The following IRS1 variants were observed in gnomAD, a reference collection of about 807,000 sequenced individuals.
The protein encoded by IRS1 is insulin receptor substrate 1.
Under a neutral mutation model 65.6 loss-of-function variants are expected in IRS1, and 34 were observed. The ratio of observed to expected loss-of-function variants is 0.52; its 90% confidence interval spans 0.39 to 0.69. The LOEUF is 0.69. Among genes scored for constraint, IRS1 ranks in the 30% least tolerant of loss-of-function variants. The probability of loss-of-function intolerance (pLI) is 0.00; values close to 1 mark genes in which losing one functional copy is unlikely to be tolerated. For synonymous variants in IRS1, 699 were observed against 683.5 expected (o/e 1.02, Z -0.35); for missense variants, 1,641 against 1,720.2 (o/e 0.95, Z 0.81).
Position 226,797,953 on chromosome 2 carries a change from A to G in IRS1, c.786T>C (p.Asp262=), listed in dbSNP as rs769620804. The change falls in exon 1 of 2, where the codon GAT becomes GAC. Residue 262 remains aspartate, a synonymous_variant. Transcript: ENST00000305123. This position sits in a 1 kb window ranked among gnomAD's most constrained non-coding sequence, Gnocchi z 8.1. ...TILEAMRAMS[D]EFRPRSKSQS... is the part of the protein sequence containing the mutation. ...GGCTCTTGCTGCGAGGGCGGAACTC[A>G]TCACTCATGGCCCGCATGGCCTCCA... 1.9e-6 allele frequency: 3 copies of G among 1,613,982 alleles called. No homozygotes were observed. Among genetic ancestry groups the G allele is most frequent in the African/African-American group, 2.7e-5 (2 of 74,914 alleles).
chr2:226,743,512 G>A (rs1009239888), intron 1 of IRS1, among the ~76,000 whole-genome samples: 2 of 152,124 alleles, frequency 1.3e-5, no homozygotes, highest in African/African-American at 4.8e-5. Flanking sequence ...TTACAGGTGT[G>A]GGCCATCGTG....
intron 1 of IRS1, among the ~76,000 whole-genome samples, chr2:226,744,219 AC>A (rs1280351071): frequency 6.6e-6 from 1 of 152,172 alleles, no homozygotes; most frequent in Non-Finnish European, 1.5e-5. Context: ...TTTCCTACTC[AC>A]CGCAAGTTTT....
intron 1 of IRS1, among the ~76,000 whole-genome samples, chr2:226,763,682 G>A (rs534054016): frequency 6.6e-6 from 1 of 151,982 alleles, no homozygotes; most frequent in Non-Finnish European, 1.5e-5. Context: ...TTCTCTCTTG[G>A]TTTCTGTGAT....
intron 1 of IRS1, among the ~76,000 whole-genome samples, chr2:226,751,274 ATTTTTTTT>A (rs35699614): frequency 2.6e-5 from 2 of 77,550 alleles, no homozygotes; most frequent in African/African-American, 5.2e-5. Flanking sequence ...CCACACGGGT[ATTTTTTTT>A]TTTTTTTTTT....
At position 226,799,082 on chromosome 2, in the gene IRS1, G is replaced by T. The variant is rs1574668260; in HGVS notation, c.-344C>A. On this transcript the variant is annotated 5_prime_UTR_variant, in exon 1 of 2. Coordinates refer to ENST00000305123, the MANE Select transcript of IRS1 (RefSeq NM_005544.3). The surrounding 1 kb of genome is among the most constrained non-coding windows in gnomAD (Gnocchi z 6.1). ...GCGAAGATGCATCTCTCGTCGCCCC[G>T]GCTGGAGTCCGGCACAGGGAGGCGA... is the stretch of plus-strand genomic sequence containing the variant. 3 of 1,243,342 alleles carry T rather than the reference G, an allele frequency of 2.4e-6. No homozygotes were observed. The East Asian group carries it at 1.4e-4, about 58-fold the overall frequency. 77.0% of individuals were successfully genotyped at this position (1,243,342 alleles called of 1,614,324 possible).
chr2:226,775,286 T>C (rs1013910828), intron 1 of IRS1, among the ~76,000 whole-genome samples: 2 of 152,246 alleles, frequency 1.3e-5, no homozygotes, highest in Non-Finnish European at 2.9e-5. Context: ...CATTGTACTC[T>C]AGTTGATAAA....
intron 1 of IRS1, among the ~76,000 whole-genome samples, chr2:226,763,644 T>C (rs1290233031): frequency 6.6e-6 from 1 of 152,242 alleles, no homozygotes; most frequent in African/African-American, 2.4e-5. Flanking sequence ...CCATTGCCAA[T>C]GGCCCAGGTA....
chr2:226,778,980 A>C (rs1317637626), intron 1 of IRS1, among the ~76,000 whole-genome samples: 3 of 152,242 alleles, frequency 2.0e-5, no homozygotes, highest in African/African-American at 4.8e-5. Context: ...TCAAGAAAGG[A>C]AGTTCTAAGA....
intron 1 of IRS1, among the ~76,000 whole-genome samples, chr2:226,742,741 C>G (rs527376535): frequency 7.1e-6 from 1 of 141,146 alleles, no homozygotes; most frequent in Non-Finnish European, 1.6e-5. Flanking sequence ...GACCGAAAGG[C>G]GACCATCAAG....
At chr2:226,742,787 C>T (rs144699443) in intron 1 of IRS1, among the ~76,000 whole-genome samples, 1 of 151,660 alleles carries the variant, frequency 6.6e-6, no homozygotes, top group African/African-American at 2.4e-5. Flanking sequence ...GGGCTGAATT[C>T]TGTCAGTCTC....
chr2:226,741,618 C>T (rs1938438089), intron 1 of IRS1, among the ~76,000 whole-genome samples: 1 of 152,094 alleles, frequency 6.6e-6, no homozygotes. Context: ...TTACATTAAA[C>T]TGCATACCCC....
chr2:226,756,606 G>A (rs1260905110), intron 1 of IRS1, among the ~76,000 whole-genome samples: 1 of 152,148 alleles, frequency 6.6e-6, no homozygotes, highest in African/African-American at 2.4e-5. Flanking sequence ...GTGACCTAAG[G>A]CTCAGGGATT....
chr2:226,794,906 G>C lies in IRS1; in HGVS notation c.*21+83C>G. On this transcript the variant is annotated intron_variant, in intron 1 of 1. Transcript: ENST00000305123. The surrounding 1 kb of genome is among the most constrained non-coding windows in gnomAD (Gnocchi z 4.1). ...CCTGAGGAAGCAGTGGGAAAGAACA[G>C]GAAGGGGCAGAGGCGAAGAACAGAA... 1.6e-6 allele frequency: 2 copies of C among 1,225,468 alleles called. No homozygotes were observed. Among genetic ancestry groups the C allele is most frequent in the Non-Finnish European group, 2.4e-6 (2 of 835,666 alleles). The allele number at this position is 1,225,468 out of a possible 1,614,324, so 75.9% of individuals were successfully genotyped here.
chr2:226,782,010 TA>T (rs984394899), intron 1 of IRS1, among the ~76,000 whole-genome samples: 6 of 152,140 alleles, frequency 3.9e-5, no homozygotes, highest in Admixed American at 6.6e-5. Flanking sequence ...CCTATTCTTT[TA>T]AAAATGTAAT....
chr2:226,761,250 A>G (rs1574648517), intron 1 of IRS1, among the ~76,000 whole-genome samples: 1 of 152,332 alleles, frequency 6.6e-6, no homozygotes, highest in Middle Eastern at 3.4e-3. Flanking sequence ...GCAGACCAAT[A>G]AAATTCAGCT....
rs1427330157 is a variant in IRS1 at position 226,798,597 on chromosome 2, C to T, written c.142G>A (p.Glu48Lys). The change falls in exon 1 of 2, where the codon GAG becomes AAG. Residue 48 changes from glutamate (E) to lysine (K), a missense_variant. Glu to Lys is a moderately conservative substitution (Grantham distance 56). Transcript: ENST00000305123. The surrounding 1 kb of genome is among the most constrained non-coding windows in gnomAD (Gnocchi z 9.4). ...TTGTGCCGCCACTTCTTCTCGTTCT[C>T]GTAGTACTCGAGGCGCGCCGGGCCC... is the stretch of plus-strand genomic sequence containing the variant. ...AGGPARLEYY[E>K]NEKKWRHKSS... 2 of 1,613,600 alleles carry T rather than the reference C, an allele frequency of 1.2e-6. No homozygotes were observed. Among genetic ancestry groups the T allele is most frequent in the East Asian group, 2.2e-5 (1 of 44,866 alleles).
chr2:226,741,725 T>C (rs111631051), intron 1 of IRS1, among the ~76,000 whole-genome samples: 2 of 150,404 alleles, frequency 1.3e-5, no homozygotes, highest in African/African-American at 4.9e-5. Flanking sequence ...GAATGCTTAT[T>C]AATAAAGCAC....
intron 1 of IRS1, among the ~76,000 whole-genome samples, chr2:226,741,306 A>G (rs754772634): frequency 1.7e-4 from 26 of 152,196 alleles, no homozygotes; most frequent in Non-Finnish European, 2.6e-4. Flanking sequence ...CTGGTATTCC[A>G]TCCCTTTGCC....
At chr2:226,741,804 C>CACAG (rs1938442990) in intron 1 of IRS1, among the ~76,000 whole-genome samples, 1 of 148,656 alleles carries the variant, frequency 6.7e-6, no homozygotes, top group Non-Finnish European at 1.5e-5. Context: ...CACACACACA[C>CACAG]ACACACACAC....
Sources: allele counts gnomAD v4.1 joint callset (sites outside exome capture counted in the v4.1 genomes callset), GRCh38; gene constraint gnomAD v4.1.1; non-coding constraint Gnocchi (gnomAD v3.1); transcripts MANE v1.5; gene names NCBI Gene and HGNC (gene_info 2026-07-23, HGNC 2026-07-21).